FRAS1: variants seen among roughly 807,000 people sequenced by gnomAD.
FRAS1 encodes extracellular matrix organizing protein FRAS1.
A neutral mutation model predicts 435.2 loss-of-function variants in FRAS1; 290 were observed. The ratio of observed to expected loss-of-function variants is 0.67; its 90% CI spans 0.61 to 0.73. The LOEUF (loss-of-function observed/expected upper bound fraction) is 0.73, where lower values mean the gene tolerates loss of function less well. Ranked by LOEUF, FRAS1 falls within the 30% of genes least tolerant of loss-of-function variation. FRAS1 has a pLI of 0.00. For synonymous variants in FRAS1, 1,800 were observed against 1,851.0 expected, an observed-to-expected ratio of 0.97 and a Z score of 0.71; for missense variants, 4,860 against 5,001.5, an observed-to-expected ratio of 0.97 and a Z score of 0.85.
Position 78,432,505 on chromosome 4 carries a change from A to T in FRAS1, c.5118A>T (p.Ser1706=). The change falls in exon 38 of 74, where the codon TCA becomes TCT. Residue 1706 remains serine, a synonymous_variant. Transcript: ENST00000512123. ...MLEVRVEVSL[S]EDRGPRLAAG... ...AGGTGAGAGTAGAGGTGTCCCTGTC[A>T]GAAGACCGAGGGCCTCGACTGGCTG... 1 of 1,613,204 alleles carries T rather than the reference A, an allele frequency of 6.2e-7. No individual in the cohort carries two copies. Among genetic ancestry groups the T allele is most frequent in the Non-Finnish European group, 8.5e-7 (1 of 1,179,568 alleles).
At chr4:78,267,056 A>G in intron 8 of FRAS1, 121 bp downstream of exon 8, 3 of 917,952 alleles carry the variant, frequency 3.3e-6, no homozygotes, top group Non-Finnish European at 5.1e-6. Flanking sequence ...GCAAAGTTAC[A>G]TAAAGATATG....
chr4:78,493,846 C>A (rs1452023721), intron 59 of FRAS1, among the ~76,000 whole-genome samples: 2 of 151,920 alleles, frequency 1.3e-5, no homozygotes, highest in Non-Finnish European at 2.9e-5. Context: ...CATGGCTGCA[C>A]CAGAATTAGT....
Position 78,473,420 on chromosome 4 carries a change from G to A in FRAS1, c.7523-18G>A. 1.2e-6 allele frequency: 2 copies of A among 1,606,482 alleles called. No individual in the cohort carries two copies. Among genetic ancestry groups the A allele is most frequent in the Non-Finnish European group, 1.7e-6 (2 of 1,175,204 alleles). On this transcript the variant is annotated intron_variant, in intron 52 of 73. Transcript: ENST00000512123. ...TTACATCCCTGGGTTAATTCACAGTGAGTCTTTTTTCTCACAGAGGATGTG... is the reference window on the plus strand; with the variant it reads ...TTACATCCCTGGGTTAATTCACAGTAAGTCTTTTTTCTCACAGAGGATGTG...
chr4:78,290,679 A>T (rs6857213), intron 14 of FRAS1, among the ~76,000 whole-genome samples: 2,067 of 151,702 alleles, frequency 0.014, 52 homozygotes, highest in African/African-American at 0.047. Flanking sequence ...CGAACTCCTG[A>T]CCTCAAGTGA....
chr4:78,413,884 G>C (rs553722499), intron 32 of FRAS1, among the ~76,000 whole-genome samples: 3 of 152,148 alleles, frequency 2.0e-5, no homozygotes, highest in Non-Finnish European at 2.9e-5. Flanking sequence ...CCCTCTGTCT[G>C]GGGAGGGGAG....
intron 2 of FRAS1, among the ~76,000 whole-genome samples, chr4:78,138,718 A>G (rs1400358287): frequency 3.9e-5 from 6 of 152,146 alleles, no homozygotes; most frequent in Non-Finnish European, 8.8e-5. Flanking sequence ...AAATGAGATA[A>G]ATCTGTGCAT....
At chr4:78,446,257 T>C in intron 42 of FRAS1, 2 of 1,005,824 alleles carry the variant, frequency 2.0e-6, no homozygotes, top group South Asian at 8.8e-5. Flanking sequence ...CTCTGCACTC[T>C]TAAGGGTCAG....
chr4:78,109,000 A>C lies in FRAS1; in HGVS notation c.108+42984A>C, dbSNP rs1399240358. 2.8e-4 allele frequency among the ~76,000 whole-genome samples: 14 copies of C among 50,182 alleles called. No individual in the cohort carries two copies. In the East Asian group the frequency reaches 6.2e-3, roughly 22 times the overall value. The allele number at this position is 50,182 out of a possible 152,430, so 32.9% of individuals were successfully genotyped here. On this transcript the variant is annotated intron_variant, in intron 2 of 73. Coordinates refer to ENST00000512123, the MANE Select transcript of FRAS1 (RefSeq NM_025074.7). ...ACGCAAATAAACTAGAAAATCTAGAAGAAATGGATACATTCCTCGACACAT... is the reference window on the plus strand; with the variant it reads ...ACGCAAATAAACTAGAAAATCTAGACGAAATGGATACATTCCTCGACACAT...
At chr4:78,116,158 C>T (rs1157570460) in intron 2 of FRAS1, among the ~76,000 whole-genome samples, 1 of 152,144 alleles carries the variant, frequency 6.6e-6, no homozygotes, top group African/African-American at 2.4e-5. Context: ...GTGTCTTAAT[C>T]CTGAGTTCTA....
chr4:78,088,069 C>T (rs1480920751), intron 2 of FRAS1, among the ~76,000 whole-genome samples: 1 of 152,158 alleles, frequency 6.6e-6, no homozygotes, highest in Non-Finnish European at 1.5e-5. Flanking sequence ...GGTACTGGTA[C>T]TAAAACAGAG....
At position 78,363,644 on chromosome 4, in the gene FRAS1, G is replaced by A. The variant is rs756366828; in HGVS notation, c.2554G>A (p.Ala852Thr). 7.5e-6 allele frequency: 12 copies of A among 1,595,530 alleles called. No homozygotes were observed. The highest frequency in any genetic ancestry group is 1.0e-5 in the Non-Finnish European group (12 of 1,171,072). ...TCCTGACTGCCCTTCAGGATACTAT[G>A]CAGAGAGAGGAGCTTGTAAAAGTGA... ...CVPDCPSGYYAERGACKKCHS... is the reference protein window; with the variant it reads ...CVPDCPSGYYTERGACKKCHS... Residue 852 changes from alanine (A) to threonine (T), a missense_variant, in exon 21 of 74, where the codon GCA (alanine) becomes ACA (threonine). Physicochemically the swap from Ala to Thr is moderately conservative, Grantham distance 58 (BLOSUM62 0). Coordinates refer to ENST00000512123, the MANE Select transcript of FRAS1 (RefSeq NM_025074.7).
chr4:78,493,459 GA>G (rs1720423676), intron 59 of FRAS1, among the ~76,000 whole-genome samples: 1 of 152,146 alleles, frequency 6.6e-6, no homozygotes, highest in Non-Finnish European at 1.5e-5. Flanking sequence ...ATACACCATG[GA>G]GTATTATGCA....
At chr4:78,531,682 G>T (rs1578377428) in intron 70 of FRAS1, among the ~76,000 whole-genome samples, 1 of 152,286 alleles carries the variant, frequency 6.6e-6, no homozygotes, top group South Asian at 2.1e-4. Context: ...GGAAACAGAA[G>T]AAATCAGAAG....
At chr4:78,182,116 A>G in intron 2 of FRAS1, 1 of 1,195,912 alleles carries the variant, frequency 8.4e-7, no homozygotes, top group Non-Finnish European at 1.2e-6. Flanking sequence ...CGCCTGCTTC[A>G]GCTCTTCCCA....
rs1190289630 is a variant in FRAS1, at chr4:78,297,616, G to A, written c.1535-10450G>A. On this transcript the variant is annotated intron_variant, in intron 14 of 73. Coordinates refer to ENST00000512123, the MANE Select transcript of FRAS1 (RefSeq NM_025074.7). ...GCTCAAGAAGCCAACCACATGTCTG[G>A]TTATGCTCCAGAAAAGTCAGGGACC... Among the ~76,000 whole-genome samples, 4 of 152,114 alleles carry A rather than the reference G, an allele frequency of 2.6e-5. No individual in the cohort carries two copies. The East Asian group carries it at 5.8e-4, about 22-fold the overall frequency.
At chr4:78,527,797 T>TAA (rs969749806) in intron 70 of FRAS1, among the ~76,000 whole-genome samples, 4 of 152,094 alleles carry the variant, frequency 2.6e-5, no homozygotes, top group Non-Finnish European at 5.9e-5. Context: ...AGGAGTCAAA[T>TAA]AAACAGCAGG....
intron 2 of FRAS1, among the ~76,000 whole-genome samples, chr4:78,234,944 C>G (rs551740933): frequency 6.6e-6 from 1 of 152,304 alleles, no homozygotes; most frequent in East Asian, 1.9e-4. Context: ...GGATATCTCT[C>G]TAAGACAGAG....
At chr4:78,514,788 CG>C (rs1464234456) in intron 65 of FRAS1, among the ~76,000 whole-genome samples, 1 of 152,020 alleles carries the variant, frequency 6.6e-6, no homozygotes, top group African/African-American at 2.4e-5. Flanking sequence ...TTAACCCAGC[CG>C]GGTGCAGTGG....
rs1578340925 is a variant in FRAS1, at chr4:78,466,270, C to T, written c.7092C>T (p.Ser2364=). The part of the protein sequence containing the change: ...PPRHGTIERT[S]NGQHFHLTST... Reference sequence around the variant, plus strand: ...GCCATGGCACCATCGAGCGAACCAGCAATGGGCAGCATTTCCACCTCACCT... The same window carrying T: ...GCCATGGCACCATCGAGCGAACCAGTAATGGGCAGCATTTCCACCTCACCT... The change falls in exon 50 of 74, where the codon AGC becomes AGT. Residue 2364 remains serine (S), a synonymous_variant. Coordinates refer to ENST00000512123, the MANE Select transcript of FRAS1 (RefSeq NM_025074.7). The T allele has an allele frequency of 1.2e-6, 2 of 1,613,940 alleles. No individual in the cohort carries two copies. The highest frequency in any genetic ancestry group is 1.1e-5 in the South Asian group (1 of 91,080).
Sources: allele counts gnomAD v4.1 joint callset (sites outside exome capture counted in the v4.1 genomes callset), GRCh38; gene constraint gnomAD v4.1.1; transcripts MANE v1.5; gene names NCBI Gene and HGNC (gene_info 2026-07-23, HGNC 2026-07-21).